Variants in EPB41L4A observed in about 807,000 individuals in gnomAD.
EPB41L4A encodes erythrocyte membrane protein band 4.1 like 4A.
Under a neutral mutation model 108.6 loss-of-function variants are expected in EPB41L4A, and 100 were observed. That is an observed-to-expected ratio of 0.92 (90% confidence interval 0.78 to 1.09). The LOEUF is 1.09. EPB41L4A is among the 50% of genes least tolerant of loss of function. The pLI is 0.00. For synonymous variants in EPB41L4A, 319 were observed against 289.0 expected (o/e 1.10, Z -1.05); for missense variants, 1,030 against 842.7 (o/e 1.22, Z -2.75).
chr5:112,219,040 C>G (rs1170879428), intron 12 of EPB41L4A, among the ~76,000 whole-genome samples: 1 of 152,142 alleles, frequency 6.6e-6, no homozygotes, highest in Non-Finnish European at 1.5e-5. Flanking sequence ...AGTTGTTTAG[C>G]AGTTAATAAA....
intron 1 of EPB41L4A, among the ~76,000 whole-genome samples, chr5:112,328,825 GAATT>G (rs1756362166): frequency 6.6e-6 from 1 of 152,162 alleles, no homozygotes; most frequent in South Asian, 2.1e-4. Flanking sequence ...TGTGCTAAAA[GAATT>G]ATTTAAAGTC....
At chr5:112,185,077 A>G (rs1761357824) in intron 17 of EPB41L4A, among the ~76,000 whole-genome samples, 1 of 146,020 alleles carries the variant, frequency 6.8e-6, no homozygotes, top group South Asian at 2.2e-4. Context: ...ATGCACCACA[A>G]TGATGCTGTG....
intron 12 of EPB41L4A, among the ~76,000 whole-genome samples, chr5:112,213,974 T>C (rs1045406674): frequency 2.0e-5 from 3 of 152,228 alleles, no homozygotes; most frequent in Non-Finnish European, 4.4e-5. Context: ...CCATTTGAGA[T>C]AGCTAATCAA....
chr5:112,418,917 G>A (rs1762891253), intron 1 of EPB41L4A, 24 bp downstream of exon 1: 4 of 1,597,166 alleles, frequency 2.5e-6, no homozygotes, highest in African/African-American at 2.7e-5. Context: ...CCAACCCCCG[G>A]AACGCGCTCC....
At chr5:112,227,289 C>G (rs1391441077) in intron 12 of EPB41L4A, among the ~76,000 whole-genome samples, 2 of 152,180 alleles carry the variant, frequency 1.3e-5, no homozygotes, top group Admixed American at 1.3e-4. Flanking sequence ...AGCACCTCAA[C>G]ATAATAACAT....
intron 12 of EPB41L4A, among the ~76,000 whole-genome samples, chr5:112,218,811 C>A (rs1257373548): frequency 6.6e-6 from 1 of 152,116 alleles, no homozygotes; most frequent in Non-Finnish European, 1.5e-5. Flanking sequence ...TACGCAAGCA[C>A]TCACTAAAAG....
At chr5:112,350,227 G>A (rs1757955840) in intron 1 of EPB41L4A, among the ~76,000 whole-genome samples, 1 of 152,152 alleles carries the variant, frequency 6.6e-6, no homozygotes, top group Non-Finnish European at 1.5e-5. Flanking sequence ...GTAGAACAAT[G>A]GTTCTCAACT....
At chr5:112,181,260 G>A (rs1449997470) in intron 18 of EPB41L4A, among the ~76,000 whole-genome samples, 1 of 151,768 alleles carries the variant, frequency 6.6e-6, no homozygotes, top group Non-Finnish European at 1.5e-5. Flanking sequence ...GACCATCCTG[G>A]CTAACACGGT....
chr5:112,386,945 C>G (rs17134454), intron 1 of EPB41L4A, among the ~76,000 whole-genome samples: 21,406 of 152,172 alleles, frequency 0.14, 4,226 homozygotes, highest in African/African-American at 0.44. Context: ...TCACCACTGA[C>G]AGTGTTCCTA....
intron 1 of EPB41L4A, among the ~76,000 whole-genome samples, chr5:112,392,289 A>T (rs932080167): frequency 1.3e-5 from 2 of 152,046 alleles, no homozygotes; most frequent in Admixed American, 1.3e-4. Context: ...CAAATTGGAT[A>T]AAGAGTCAAG....
At chr5:112,293,408 G>A (rs1580624363) in intron 2 of EPB41L4A, among the ~76,000 whole-genome samples, 1 of 152,114 alleles carries the variant, frequency 6.6e-6, no homozygotes, top group East Asian at 1.9e-4. Flanking sequence ...AAGGCATTGG[G>A]TGCCATTAAC....
intron 1 of EPB41L4A, among the ~76,000 whole-genome samples, chr5:112,338,376 C>A (rs1021481252): frequency 6.6e-6 from 1 of 152,130 alleles, no homozygotes; most frequent in East Asian, 1.9e-4. Context: ...ACTCTTCTCT[C>A]GGCACTGTCT....
chr5:112,266,090 A>C (rs1046349799), intron 5 of EPB41L4A, 143 bp downstream of exon 5: 19 of 657,588 alleles, frequency 2.9e-5, no homozygotes, highest in African/African-American at 5.5e-5. Context: ...ACACTGAACA[A>C]AACTTGAATT....
intron 9 of EPB41L4A, among the ~76,000 whole-genome samples, chr5:112,252,758 G>A (rs978127009): frequency 4.6e-5 from 7 of 151,938 alleles, no homozygotes; most frequent in African/African-American, 1.5e-4. Flanking sequence ...CCTGGGTGAC[G>A]GGATCATTAG....
chr5:112,195,753 A>T, intron 15 of EPB41L4A, 45 bp from the exon 16 acceptor site: 1 of 1,561,848 alleles, frequency 6.4e-7, no homozygotes, highest in Non-Finnish European at 8.8e-7. Context: ...GAGATTATCA[A>T]TTGGCTAAGG....
At chr5:112,197,534 A>C (rs543983191) in intron 15 of EPB41L4A, among the ~76,000 whole-genome samples, 10 of 152,302 alleles carry the variant, frequency 6.6e-5, no homozygotes, top group Middle Eastern at 3.4e-3. Flanking sequence ...GTAGGTTTTA[A>C]ATTTTCTAAG....
intron 2 of EPB41L4A, among the ~76,000 whole-genome samples, chr5:112,301,281 T>C (rs181891095): frequency 1.3e-3 from 199 of 152,290 alleles, no homozygotes; most frequent in African/African-American, 4.7e-3. Context: ...GAGTAAACTA[T>C]GTTAGATGGA....
At chr5:112,271,481 A>G (rs1362354832) in intron 4 of EPB41L4A, among the ~76,000 whole-genome samples, 1 of 152,220 alleles carries the variant, frequency 6.6e-6, no homozygotes, top group South Asian at 2.1e-4. Flanking sequence ...GCACGGATGA[A>G]AAAACTGAGA....
chr5:112,242,650 C>G (rs144636363), intron 9 of EPB41L4A, among the ~76,000 whole-genome samples: 1 of 152,104 alleles, frequency 6.6e-6, no homozygotes, highest in Non-Finnish European at 1.5e-5. Context: ...AAGTTTTTCA[C>G]TTTGTTTGTC....
Sources: gnomAD v4.1 joint callset for allele counts (sites outside exome capture counted in the v4.1 genomes callset) on GRCh38, gnomAD v4.1.1 for gene constraint, MANE v1.5 for transcripts, NCBI Gene and HGNC (gene_info 2026-07-23, HGNC 2026-07-21) for gene names.